ZC3H12A: variants seen among roughly 807,000 people sequenced by gnomAD.
ZC3H12A encodes zinc finger CCCH-type containing 12A, also known as endoribonuclease ZC3H12A.
Under a neutral mutation model 29.9 loss-of-function variants are expected in ZC3H12A, and 9 were observed. That is an observed-to-expected ratio of 0.30 (90% CI 0.18 to 0.53). The LOEUF is 0.53. Ranked by LOEUF, ZC3H12A falls within the 20% of genes least tolerant of loss-of-function variation. ZC3H12A has a pLI of 0.96. For synonymous variants in ZC3H12A, 323 were observed against 338.1 expected (o/e 0.96, Z 0.49); for missense variants, 617 against 799.0 (o/e 0.77, Z 2.75).
rs1641646052 is a variant in ZC3H12A, at chr1:37,479,005, T to C, written c.444-1285T>C. On this transcript the variant is annotated intron_variant, in intron 2 of 5. Coordinates refer to ENST00000373087, the MANE Select transcript of ZC3H12A (RefSeq NM_025079.3). This position sits in a 1 kb window ranked among gnomAD's most constrained non-coding sequence, Gnocchi z 4.5. ...ATGGCCCCCAGCTGCCCCACCTCCC[T>C]CCCTAGCTTCTCTTAGGGCTCCAGC... 9.1e-6 allele frequency: 9 copies of C among 983,972 alleles called. No individual in the cohort carries two copies. The highest frequency in any genetic ancestry group is 1.1e-5 in the Non-Finnish European group (9 of 829,564). The allele number at this position is 983,972 out of a possible 1,614,324, so 61.0% of individuals were successfully genotyped here. A position where few individuals can be genotyped will look rare whatever the true frequency, so the allele number is the denominator to read the frequency against.
Position 37,484,275 on chromosome 1 carries a change from C to G in ZC3H12A, c.*664C>G, listed in dbSNP as rs753369786. 6.6e-6 allele frequency: 1 copy of G among 152,270 alleles called. No homozygotes were observed. The highest frequency in any genetic ancestry group is 1.5e-5 in the Non-Finnish European group (1 of 68,106). The allele number at this position is 152,270 out of a possible 1,614,324, so 9.4% of individuals were successfully genotyped here. ...CGCCCTTCCCCATGGGTGGGGGAAC[C>G]TGTGTTTGTTTGTGTGCACATGTAA... On this transcript the variant is annotated 3_prime_UTR_variant, in exon 6 of 6. Transcript: ENST00000373087.
At position 37,479,074 on chromosome 1, in the gene ZC3H12A, G is replaced by A; in HGVS notation, c.444-1216G>A. The A allele has an allele frequency of 1.0e-6, 1 of 985,130 alleles. No individual in the cohort carries two copies. Among genetic ancestry groups the A allele is most frequent in the Non-Finnish European group, 1.2e-6 (1 of 829,880 alleles). 61.0% of individuals were successfully genotyped at this position (985,130 alleles called of 1,614,324 possible). On this transcript the variant is annotated intron_variant, in intron 2 of 5. Transcript: ENST00000373087. This position sits in a 1 kb window ranked among gnomAD's most constrained non-coding sequence, Gnocchi z 4.5. ...CCACTCCCATTAAAGACACCCACAG[G>A]ATGTGGTTGGCCCTGGACTTGCCTC...
At chr1:37,477,614 G>C (rs1224327768) in intron 2 of ZC3H12A, among the ~76,000 whole-genome samples, 1 of 152,170 alleles carries the variant, frequency 6.6e-6, no homozygotes, top group African/African-American at 2.4e-5. Context: ...CTTTTCACCT[G>C]GGGAGGCTGG....
chr1:37,483,469 A>T lies in ZC3H12A; in HGVS notation c.1658A>T (p.Gln553Leu). 1 of 1,614,048 alleles carries T rather than the reference A, an allele frequency of 6.2e-7. No individual in the cohort carries two copies. The highest frequency in any genetic ancestry group is 8.5e-7 in the Non-Finnish European group (1 of 1,179,940). Residue 553 changes from glutamine to leucine, a missense_variant, in exon 6 of 6, where the codon CAG (glutamine) becomes CTG (leucine). Gln to Leu is a moderately radical substitution (Grantham distance 113). This residue lies in a region of ZC3H12A where 172 missense variants were observed against 203.1 expected (regional missense o/e 0.85). Transcript: ENST00000373087. Reference protein sequence around the residue: ...WGRAGSLAKEQASVYTKLCGV... With the variant: ...WGRAGSLAKELASVYTKLCGV... ...AGGGCAGGCAGCCTGGCCAAGGAGCAGGCCAGCGTGTATACTAAGCTGTGT... is the reference window on the plus strand; with the variant it reads ...AGGGCAGGCAGCCTGGCCAAGGAGCTGGCCAGCGTGTATACTAAGCTGTGT...
Position 37,475,712 on chromosome 1 carries a change from G to C in ZC3H12A, c.216G>C (p.Leu72=). The change falls in exon 2 of 6, where the codon CTG becomes CTC. Residue 72 remains leucine (L), a synonymous_variant. Transcript: ENST00000373087. This position sits in a 1 kb window ranked among gnomAD's most constrained non-coding sequence, Gnocchi z 5.2. ...AGATCCACAGCGTCCTGCAGAAGCTGGGCGTCCAGGCAGACACCAACACGG... is the reference window on the plus strand; with the variant it reads ...AGATCCACAGCGTCCTGCAGAAGCTCGGCGTCCAGGCAGACACCAACACGG... ...STEIHSVLQK[L]GVQADTNTVL... The C allele has an allele frequency of 1.2e-6, 2 of 1,614,132 alleles. No homozygotes were observed. Among genetic ancestry groups the C allele is most frequent in the South Asian group, 1.1e-5 (1 of 91,092 alleles).
rs1400193174 is a variant in ZC3H12A, at chr1:37,475,182, G to T, written c.-38-277G>T. ...GGGGGTTCGAGGCTTTACAGCTGGG[G>T]TAGTTCCAGTCTTAGTTCAGACTAA... is the stretch of plus-strand genomic sequence containing the variant. On this transcript the variant is annotated intron_variant, in intron 1 of 5. Transcript: ENST00000373087. This position sits in a 1 kb window ranked among gnomAD's most constrained non-coding sequence, Gnocchi z 5.2. Among the ~76,000 whole-genome samples, 1 of 152,238 alleles carries T rather than the reference G, an allele frequency of 6.6e-6. No homozygotes were observed. Among genetic ancestry groups the T allele is most frequent in the African/African-American group, 2.4e-5 (1 of 41,466 alleles).
chr1:37,476,166 C>G lies in ZC3H12A; in HGVS notation c.443+227C>G, dbSNP rs111554585. 3.2e-4 allele frequency among the ~76,000 whole-genome samples: 49 copies of G among 152,282 alleles called. No homozygotes were observed. Among genetic ancestry groups the G allele is most frequent in the African/African-American group, 1.2e-3 (48 of 41,558 alleles). On this transcript the variant is annotated intron_variant, in intron 2 of 5. Transcript: ENST00000373087. This position sits in a 1 kb window ranked among gnomAD's most constrained non-coding sequence, Gnocchi z 6.0. ...AGGTCCCTCTGTCCGCAGAGCTTAC[C>G]TTATGCTGTGGGTCCCTCCCTGAGG...
rs1304134054 is a variant in ZC3H12A, at chr1:37,476,475, A to C, written c.443+536A>C. ...AACAGGTCCAGTGACTGTGTCCAAG[A>C]GTGACCTCAAGGCTGGGTCCAGCTT... On this transcript the variant is annotated intron_variant, in intron 2 of 5. Coordinates refer to ENST00000373087, the MANE Select transcript of ZC3H12A (RefSeq NM_025079.3). The surrounding 1 kb of genome is among the most constrained non-coding windows in gnomAD (Gnocchi z 6.0). Among the ~76,000 whole-genome samples the C allele has an allele frequency of 6.6e-6, 1 of 152,160 alleles. No homozygotes were observed. Among genetic ancestry groups the C allele is most frequent in the East Asian group, 1.9e-4 (1 of 5,194 alleles).
rs1260416577 is a variant in ZC3H12A, at chr1:37,483,915, C to G, written c.*304C>G. The G allele has an allele frequency of 3.2e-6, 1 of 312,166 alleles. No individual in the cohort carries two copies. Among genetic ancestry groups the G allele is most frequent in the Non-Finnish European group, 6.0e-6 (1 of 167,766 alleles). 19.3% of individuals were successfully genotyped at this position (312,166 alleles called of 1,614,324 possible). ...GTCGGTCCGTGGCTGAGGCCCAAAC[C>G]GTCTTTTCTCTCAGAGGGTGGGGAG... is the stretch of plus-strand genomic sequence containing the variant. On this transcript the variant is annotated 3_prime_UTR_variant, in exon 6 of 6. Coordinates refer to ENST00000373087, the MANE Select transcript of ZC3H12A (RefSeq NM_025079.3).
chr1:37,481,866 T>C (rs201071157), intron 4 of ZC3H12A, 31 bp downstream of exon 4: 1 of 1,595,388 alleles, frequency 6.3e-7, no homozygotes. Flanking sequence ...CCTGACAGAC[T>C]TGGGGTCCAC....
chr1:37,479,875 C>G lies in ZC3H12A; in HGVS notation c.444-415C>G. On this transcript the variant is annotated intron_variant, in intron 2 of 5. Coordinates refer to ENST00000373087, the MANE Select transcript of ZC3H12A (RefSeq NM_025079.3). The surrounding 1 kb of genome is among the most constrained non-coding windows in gnomAD (Gnocchi z 4.5). ...CTGTCCCTGTGGTCCCGGCAGCTCG[C>G]CGGGTGGGGCAGGAACCAGAAGTCT... 1.0e-6 allele frequency: 1 copy of G among 1,004,508 alleles called. No homozygotes were observed. The highest frequency in any genetic ancestry group is 1.2e-6 in the Non-Finnish European group (1 of 841,048). The allele number at this position is 1,004,508 out of a possible 1,614,324, so 62.2% of individuals were successfully genotyped here.
In ZC3H12A at chr1:37,483,470, G is replaced by A; in HGVS notation, c.1659G>A (p.Gln553=). The part of the protein sequence containing the change: ...WGRAGSLAKE[Q]ASVYTKLCGV... Reference sequence around the variant, plus strand: ...GGGCAGGCAGCCTGGCCAAGGAGCAGGCCAGCGTGTATACTAAGCTGTGTG... The same window carrying A: ...GGGCAGGCAGCCTGGCCAAGGAGCAAGCCAGCGTGTATACTAAGCTGTGTG... The change falls in exon 6 of 6, where the codon CAG becomes CAA. Residue 553 remains glutamine, a synonymous_variant. Transcript: ENST00000373087. 1 of 1,614,052 alleles carries A rather than the reference G, an allele frequency of 6.2e-7. No individual in the cohort carries two copies. The highest frequency in any genetic ancestry group is 8.5e-7 in the Non-Finnish European group (1 of 1,179,944).
At position 37,483,325 on chromosome 1, in the gene ZC3H12A, C is replaced by T. The variant is rs778321661; in HGVS notation, c.1514C>T (p.Ala505Val). 13 of 1,614,092 alleles carry T rather than the reference C, an allele frequency of 8.1e-6. No individual in the cohort carries two copies. The highest frequency in any genetic ancestry group is 2.7e-5 in the African/African-American group (2 of 75,030). Residue 505 changes from alanine to valine, a missense_variant, in exon 6 of 6, where the codon GCG becomes GTG. Ala to Val is a moderately conservative substitution (Grantham distance 64). Around this residue, in one of 5 missense-constraint regions of ZC3H12A, gnomAD observed 172 missense variants for 203.1 expected, o/e 0.85. Transcript: ENST00000373087. The stretch of plus-strand genomic sequence containing the variant: ...AGTGTCCCTGCCGACTACCCACCCG[C>T]GCCCCCTGCCTTTCCACCTCGAGAG... Reference protein sequence around the residue: ...HFSVPADYPPAPPAFPPREYW... With the variant: ...HFSVPADYPPVPPAFPPREYW...
At position 37,483,035 on chromosome 1, in the gene ZC3H12A, C is replaced by T. The variant is rs759845328; in HGVS notation, c.1224C>T (p.Ser408=). 33 of 1,606,766 alleles carry T rather than the reference C, an allele frequency of 2.1e-5. No individual in the cohort carries two copies. The South Asian group carries it at 2.2e-4, about 11-fold the overall frequency. ...CATCAGGCAGGAGCCTCGCACCTAG[C>T]GGGGGCAGTGGCAGCAGCTTTGGGC... The part of the protein sequence containing the change: ...YAPSGRSLAP[S]GGSGSSFGPT... Residue 408 remains serine, a synonymous_variant, in exon 6 of 6, where the codon AGC becomes AGT. Coordinates refer to ENST00000373087, the MANE Select transcript of ZC3H12A (RefSeq NM_025079.3).
At position 37,483,002 on chromosome 1, in the gene ZC3H12A, C is replaced by A; in HGVS notation, c.1191C>A (p.Thr397=). The part of the protein sequence containing the change: ...PGSRQEGLTQ[T]YAPSGRSLAP... Reference sequence around the variant, plus strand: ...CCCGCCAAGAGGGTCTAACACAGACCTATGCCCCATCAGGCAGGAGCCTCG... The same window carrying A: ...CCCGCCAAGAGGGTCTAACACAGACATATGCCCCATCAGGCAGGAGCCTCG... Residue 397 remains threonine (T), a synonymous_variant, in exon 6 of 6, where the codon ACC becomes ACA. Coordinates refer to ENST00000373087, the MANE Select transcript of ZC3H12A (RefSeq NM_025079.3). 6.2e-7 allele frequency: 1 copy of A among 1,609,758 alleles called. No individual in the cohort carries two copies. The highest frequency in any genetic ancestry group is 1.7e-5 in the Admixed American group (1 of 59,360).
Position 37,478,924 on chromosome 1 carries a change from T to C in ZC3H12A, c.444-1366T>C, listed in dbSNP as rs910313259. ...GCCCTGGGCTGGACTTTGTCTCCCC[T>C]ACAATTTAGAGACCTTCAGACCCTG... is the stretch of plus-strand genomic sequence containing the variant. On this transcript the variant is annotated intron_variant, in intron 2 of 5. Transcript: ENST00000373087. This position sits in a 1 kb window ranked among gnomAD's most constrained non-coding sequence, Gnocchi z 5.2. 4 of 985,156 alleles carry C rather than the reference T, an allele frequency of 4.1e-6. No individual in the cohort carries two copies. The African/African-American group carries it at 5.2e-5, about 13-fold the overall frequency. 61.0% of individuals were successfully genotyped at this position (985,156 alleles called of 1,614,324 possible).
At position 37,479,758 on chromosome 1, in the gene ZC3H12A, T is replaced by A. The variant is rs1641661741; in HGVS notation, c.444-532T>A. ...AACTTTAATCCGGAACAATCTGGTT[T>A]CTCCTCGGTCAGCCCAGCCGGTGCT... is the stretch of plus-strand genomic sequence containing the variant. On this transcript the variant is annotated intron_variant, in intron 2 of 5. Coordinates refer to ENST00000373087, the MANE Select transcript of ZC3H12A (RefSeq NM_025079.3). This position sits in a 1 kb window ranked among gnomAD's most constrained non-coding sequence, Gnocchi z 4.5. 1.0e-6 allele frequency: 1 copy of A among 985,210 alleles called. No homozygotes were observed. The highest frequency in any genetic ancestry group is 6.2e-5 in the Admixed American group (1 of 16,254). 61.0% of individuals were successfully genotyped at this position (985,210 alleles called of 1,614,324 possible).
rs1289591571 is a variant in ZC3H12A at position 37,483,677 on chromosome 1, A to T, written c.*66A>T. ...GGGCCGTCAGGCTGGGCTTTGGGCC[A>T]TTGAGCAGCCCATTCCCAGCCCTGA... is the stretch of plus-strand genomic sequence containing the variant. On this transcript the variant is annotated 3_prime_UTR_variant, in exon 6 of 6. Transcript: ENST00000373087. 6.7e-7 allele frequency: 1 copy of T among 1,487,880 alleles called. No homozygotes were observed. Among genetic ancestry groups the T allele is most frequent in the Non-Finnish European group, 8.9e-7 (1 of 1,118,288 alleles). The allele number at this position is 1,487,880 out of a possible 1,614,324, so 92.2% of individuals were successfully genotyped here.
chr1:37,477,178 C>T (rs1030901935), intron 2 of ZC3H12A, among the ~76,000 whole-genome samples: 1 of 152,238 alleles, frequency 6.6e-6, no homozygotes, highest in African/African-American at 2.4e-5. Context: ...TAGAAGGGGT[C>T]CCTCTCAGTG....
Sources: allele counts gnomAD v4.1 joint callset (sites outside exome capture counted in the v4.1 genomes callset), GRCh38; gene constraint gnomAD v4.1.1; regional missense constraint gnomAD v4.1.1; non-coding constraint Gnocchi (gnomAD v3.1); transcripts MANE v1.5; gene names NCBI Gene and HGNC (gene_info 2026-07-23, HGNC 2026-07-21).